Variants in TCEA2 observed in about 807,000 individuals in gnomAD.
TCEA2 encodes the protein transcription elongation factor A2.
Under a neutral mutation model 40.8 loss-of-function variants are expected in TCEA2, and 21 were observed. The ratio of observed to expected loss-of-function variants is 0.51; its 90% CI spans 0.36 to 0.74. The LOEUF (loss-of-function observed/expected upper bound fraction) is 0.74, where lower values mean the gene tolerates loss of function less well. Among genes scored for constraint, TCEA2 ranks in the 30% least tolerant of loss-of-function variants. The probability of loss-of-function intolerance (pLI) is 0.00; values close to 1 mark genes in which losing one functional copy is unlikely to be tolerated. For missense variants in TCEA2, 326 were observed against 426.5 expected (o/e 0.76, Z 2.08); for synonymous variants, 165 against 162.7 (o/e 1.01, Z -0.11).
In TCEA2 at chr20:64,067,067, A is replaced by G. The variant is rs1218988934; in HGVS notation, c.241+47A>G. The stretch of plus-strand genomic sequence containing the variant: ...CTGAGTGCTGGGGCAGGGGTCCCAG[A>G]AGTGCTGCCTCTTGCTGGTCAGCAC... On this transcript the variant is annotated intron_variant, in intron 3 of 9. Coordinates refer to ENST00000343484, the MANE Select transcript of TCEA2 (RefSeq NM_003195.6). 7 of 1,546,486 alleles carry G rather than the reference A, an allele frequency of 4.5e-6. No homozygotes were observed. The South Asian group carries it at 8.1e-5, about 18-fold the overall frequency.
intron 1 of TCEA2, 185 bp downstream of exon 1, chr20:64,063,569 C>G: frequency 3.0e-6 from 2 of 677,820 alleles, no homozygotes; most frequent in East Asian, 2.9e-5. Flanking sequence ...CGGGCCAGCC[C>G]TGCCGTTCAC....
intron 6 of TCEA2, 123 bp downstream of exon 6, chr20:64,069,944 TG>T: frequency 1.6e-6 from 2 of 1,245,672 alleles, no homozygotes; most frequent in Non-Finnish European, 2.3e-6. Context: ...CCTGCCTGGG[TG>T]GTCACCTGCC....
chr20:64,067,705 T>G (rs528214729), intron 3 of TCEA2, among the ~76,000 whole-genome samples: 3 of 152,254 alleles, frequency 2.0e-5, no homozygotes, highest in South Asian at 2.1e-4. Context: ...AAGAGCCTTC[T>G]TGGGGACATG....
chr20:64,064,795 C>T (rs1183629387), intron 1 of TCEA2, among the ~76,000 whole-genome samples: 1 of 152,164 alleles, frequency 6.6e-6, no homozygotes, highest in Non-Finnish European at 1.5e-5. Context: ...CACACACACC[C>T]CGGAAAACTG....
chr20:64,068,244 C>G (rs2059742082), intron 4 of TCEA2, 110 bp downstream of exon 4: 2 of 954,516 alleles, frequency 2.1e-6, no homozygotes, highest in Non-Finnish European at 3.2e-6. Context: ...AGGCTGCACA[C>G]AGAGTCGGTC....
intron 6 of TCEA2, 136 bp downstream of exon 6, chr20:64,069,957 G>A (rs1265375763): frequency 8.8e-7 from 1 of 1,140,932 alleles, no homozygotes; most frequent in African/African-American, 1.5e-5. Flanking sequence ...TCACCTGCCT[G>A]GGTGGTCAGG....
chr20:64,066,782 C>T, intron 2 of TCEA2, 133 bp from the exon 3 acceptor site: 1 of 933,186 alleles, frequency 1.1e-6, no homozygotes, highest in Non-Finnish European at 1.6e-6. Flanking sequence ...GGACAGTCGC[C>T]ATTGGGAGAG....
Position 64,069,491 on chromosome 20 carries a change from C to G in TCEA2, c.460C>G (p.His154Asp). 1 of 1,612,262 alleles carries G rather than the reference C, an allele frequency of 6.2e-7. No homozygotes were observed. Among genetic ancestry groups the G allele is most frequent in the Non-Finnish European group, 8.5e-7 (1 of 1,179,560 alleles). Residue 154 changes from histidine (H) to aspartate (D), a missense_variant and splice_region_variant, in exon 5 of 10, where the codon CAT becomes GAT. By Grantham distance (81) the His-to-Asp change is moderately conservative (BLOSUM62 -1). Transcript: ENST00000343484. The part of the protein sequence containing the change: ...EMLTAALQTD[H>D]DHVAIGADCE... ...GCTGACCGCTGCCCTGCAGACGGAC[C>G]GTGAGTGCGGCCGGCCCTGGCTCCT...
chr20:64,058,506 A>G (rs2059503655), upstream of TCEA2, among the ~76,000 whole-genome samples: 1 of 152,132 alleles, frequency 6.6e-6, no homozygotes, highest in South Asian at 2.1e-4. This position sits in a 1 kb window ranked among gnomAD's most constrained non-coding sequence, Gnocchi z 6.7. Context: ...ACCACCTGGC[A>G]TCTCATGGAG....
rs779151747 is a variant in TCEA2, at chr20:64,071,858, C to G, written c.820-12C>G. ...TGGAGGTGACCCTGGGTTCACCCAG[C>G]CCTGTTCACAGGTGCAGACCCGCAG... is the stretch of plus-strand genomic sequence containing the variant. On this transcript the variant is annotated splice_polypyrimidine_tract_variant and intron_variant, in intron 8 of 9. Transcript: ENST00000343484. 7 of 1,613,668 alleles carry G rather than the reference C, an allele frequency of 4.3e-6. No individual in the cohort carries two copies. The highest frequency in any genetic ancestry group is 5.1e-6 in the Non-Finnish European group (6 of 1,179,936).
chr20:64,066,394 G>T, intron 1 of TCEA2, 82 bp from the exon 2 acceptor site: 1 of 1,519,348 alleles, frequency 6.6e-7, no homozygotes, highest in South Asian at 1.1e-5. Flanking sequence ...ACTGCCTTGT[G>T]TTCTCCTCCA....
At chr20:64,067,264 T>A (rs188075568) in intron 3 of TCEA2, among the ~76,000 whole-genome samples, 89 of 152,142 alleles carry the variant, frequency 5.8e-4, no homozygotes, top group African/African-American at 1.9e-3. Context: ...GGGGGCAGGG[T>A]TCCAGGTAGA....
intron 1 of TCEA2, 37 bp downstream of exon 1, chr20:64,063,421 G>GCCCCGCCGAGA (rs1359257675): frequency 2.0e-6 from 3 of 1,533,824 alleles, no homozygotes; most frequent in South Asian, 2.4e-5. Flanking sequence ...CGGGAACCCC[G>GCCCCGCCGAGA]CCCCGCCGAG....
intron 9 of TCEA2, 80 bp from the exon 10 acceptor site, chr20:64,072,092 T>G: frequency 6.2e-7 from 1 of 1,602,424 alleles, no homozygotes; most frequent in Non-Finnish European, 8.5e-7. Context: ...GAGCCCAGCC[T>G]TGGGTGAGCC....
chr20:64,060,817 G>T (rs1254550555), upstream of TCEA2, among the ~76,000 whole-genome samples: 1 of 151,704 alleles, frequency 6.6e-6, no homozygotes, highest in African/African-American at 2.4e-5. Context: ...TTTGCGACGA[G>T]TCTCACTCTG....
At chr20:64,071,100 A>C (rs2059818320) in intron 8 of TCEA2, among the ~76,000 whole-genome samples, 2 of 152,176 alleles carry the variant, frequency 1.3e-5, no homozygotes, top group African/African-American at 4.8e-5. Flanking sequence ...CTGTAATCCC[A>C]GCACTTTGGG....
intron 4 of TCEA2, 113 bp from the exon 5 acceptor site, chr20:64,069,242 TAGAACA>T (rs1251237744): frequency 1.2e-5 from 17 of 1,410,044 alleles, no homozygotes; most frequent in Non-Finnish European, 1.4e-5. Flanking sequence ...TCTGGCAGAG[TAGAACA>T]AGCAGGGGTT....
rs189111498 is a variant in TCEA2, at chr20:64,070,139, C to T, written c.518-121C>T. 2.1e-4 allele frequency: 300 copies of T among 1,453,482 alleles called. No homozygotes were observed. The African/African-American group carries it at 3.8e-3, about 18-fold the overall frequency. 90.0% of individuals were successfully genotyped at this position (1,453,482 alleles called of 1,614,324 possible). On this transcript the variant is annotated intron_variant, in intron 6 of 9. Transcript: ENST00000343484. ...CTCCACCAGGTGTGGGTGGGCAGAC[C>T]GACCCCTGTGTGGCTGGGCAGAACC... is the stretch of plus-strand genomic sequence containing the variant.
intron 3 of TCEA2, among the ~76,000 whole-genome samples, chr20:64,067,662 C>T (rs2059727763): frequency 1.3e-5 from 2 of 152,240 alleles, no homozygotes; most frequent in Non-Finnish European, 1.5e-5. Flanking sequence ...TGTCCTGGTC[C>T]CCAGCCCTTG....
Sources: allele counts gnomAD v4.1 joint callset (sites outside exome capture counted in the v4.1 genomes callset), GRCh38; gene constraint gnomAD v4.1.1; non-coding constraint Gnocchi (gnomAD v3.1); transcripts MANE v1.5; gene names NCBI Gene and HGNC (gene_info 2026-07-23, HGNC 2026-07-21).